Variants in BLTP1 observed in about 807,000 individuals in gnomAD.
BLTP1 encodes the protein fragile site-associated protein.
At chr4:122,200,898 G>A in the BLTP1 span, 2 of 1,443,768 alleles carry the variant, frequency 1.4e-6, no homozygotes, top group Admixed American at 2.6e-5. Context: ...GTTCAGCTCA[G>A]TAGGAAAATG....
the BLTP1 span, chr4:122,208,034 C>T: frequency 1.0e-6 from 1 of 985,142 alleles, no homozygotes; most frequent in South Asian, 4.7e-5. Flanking sequence ...ATCTGAATGC[C>T]AGCTCTTATG....
the BLTP1 span, chr4:122,267,638 G>C: frequency 1.6e-3 from 1,587 of 977,900 alleles, 3 homozygotes; most frequent in Admixed American, 2.2e-3. Flanking sequence ...TAGGGCAGAA[G>C]TCATATTGAG....
the BLTP1 span, among the ~76,000 whole-genome samples, chr4:122,167,209 A>G: frequency 1.3e-5 from 2 of 152,118 alleles, no homozygotes; most frequent in Non-Finnish European, 2.9e-5. Context: ...ATATCCATTT[A>G]TATTGAAAAC....
the BLTP1 span, chr4:122,308,260 A>G: frequency 7.6e-7 from 1 of 1,311,344 alleles, no homozygotes; most frequent in Non-Finnish European, 1.1e-6. Context: ...TCAGTGTAAC[A>G]GTTTATAACT....
the BLTP1 span, among the ~76,000 whole-genome samples, chr4:122,272,991 C>T: frequency 2.0e-5 from 3 of 151,970 alleles, no homozygotes; most frequent in Non-Finnish European, 4.4e-5. Flanking sequence ...TAAACTGCAT[C>T]CCACTTTCAG....
At chr4:122,153,481 C>T in the BLTP1 span, among the ~76,000 whole-genome samples, 5 of 152,066 alleles carry the variant, frequency 3.3e-5, no homozygotes, top group African/African-American at 4.8e-5. Flanking sequence ...GTCTACTATT[C>T]CCATTTTCTA....
chr4:122,334,604 A>C, the BLTP1 span: 1 of 1,538,204 alleles, frequency 6.5e-7, no homozygotes. Context: ...GTTATTACCT[A>C]CTTGCTCTTT....
At chr4:122,352,580 G>A in the BLTP1 span, among the ~76,000 whole-genome samples, 8 of 151,974 alleles carry the variant, frequency 5.3e-5, no homozygotes, top group Non-Finnish European at 1.2e-4. Context: ...GGCTGGTCTC[G>A]AACTCCTGAC....
At chr4:122,254,920 G>T in the BLTP1 span, 2 of 1,613,380 alleles carry the variant, frequency 1.2e-6, no homozygotes, top group African/African-American at 2.7e-5. Context: ...GAGAATTTGT[G>T]CTGTTATGGG....
At chr4:122,277,430 TG>T in the BLTP1 span, 6 of 981,840 alleles carry the variant, frequency 6.1e-6, no homozygotes, top group Non-Finnish European at 7.3e-6. Flanking sequence ...ATCCTATCTG[TG>T]GAATTCCACA....
At chr4:122,257,236 C>T in the BLTP1 span, 1 of 1,610,666 alleles carries the variant, frequency 6.2e-7, no homozygotes, top group Non-Finnish European at 8.5e-7. Flanking sequence ...TACTTCTAAC[C>T]ACATGATTAT....
At chr4:122,165,258 T>G in the BLTP1 span, among the ~76,000 whole-genome samples, 1 of 151,980 alleles carries the variant, frequency 6.6e-6, no homozygotes, top group Admixed American at 6.6e-5. Flanking sequence ...GTGTGTGATG[T>G]TCCCCTTCCT....
the BLTP1 span, chr4:122,203,813 A>C: frequency 1.9e-6 from 1 of 518,834 alleles, no homozygotes; most frequent in South Asian, 8.7e-5. Context: ...ATTTATTAGA[A>C]ATAGACTAAT....
the BLTP1 span, chr4:122,343,764 A>G: frequency 2.4e-6 from 1 of 425,002 alleles, no homozygotes; most frequent in Non-Finnish European, 3.1e-6. Context: ...CGTAATAAGT[A>G]GACATATACA....
At chr4:122,352,348 G>GGTTTTCCTTTTT in the BLTP1 span, among the ~76,000 whole-genome samples, 1 of 146,402 alleles carries the variant, frequency 6.8e-6, no homozygotes, top group African/African-American at 2.5e-5. Context: ...ATTAGGTTTT[G>GGTTTTCCTTTTT]GTTTTTCTTT....
chr4:122,225,699 T>A, the BLTP1 span: 1 of 152,124 alleles, frequency 6.6e-6, no homozygotes, highest in South Asian at 2.1e-4. Flanking sequence ...TATAATGATA[T>A]TTATAAAAAT....
At chr4:122,174,374 A>C in the BLTP1 span, 1 of 975,244 alleles carries the variant, frequency 1.0e-6, no homozygotes, top group African/African-American at 1.8e-5. Flanking sequence ...AGCTTACTTC[A>C]TAGTGATCAT....
the BLTP1 span, chr4:122,276,133 G>C: frequency 1.1e-6 from 1 of 938,906 alleles, no homozygotes; most frequent in South Asian, 2.5e-5. Flanking sequence ...TTGTTTTGTA[G>C]CTGTAATATA....
the BLTP1 span, chr4:122,305,839 C>T: frequency 1.2e-5 from 18 of 1,477,580 alleles, no homozygotes; most frequent in South Asian, 6.8e-5. Flanking sequence ...AAACTTTTTC[C>T]ATTATTTTAT....
Sources: allele counts gnomAD v4.1 joint callset (sites outside exome capture counted in the v4.1 genomes callset), GRCh38; gene constraint gnomAD v4.1.1; transcripts MANE v1.5; gene names NCBI Gene and HGNC (gene_info 2026-07-23, HGNC 2026-07-21).